Variants in HSD17B12 observed in about 807,000 individuals in gnomAD.
The protein encoded by HSD17B12 is hydroxysteroid 17-beta dehydrogenase 12.
Under a neutral mutation model 39.3 loss-of-function variants are expected in HSD17B12, and 32 were observed. That is an observed-to-expected ratio of 0.81 (90% CI 0.61 to 1.09). HSD17B12 has a LOEUF of 1.09. Ranked by LOEUF, HSD17B12 falls within the 50% of genes least tolerant of loss-of-function variation. HSD17B12 has a pLI of 0.00. For missense variants in HSD17B12, 342 were observed against 382.9 expected, an observed-to-expected ratio of 0.89 and a Z score of 0.89; for synonymous variants, 150 against 146.7, an observed-to-expected ratio of 1.02 and a Z score of -0.16.
the HSD17B12 span, among the ~76,000 whole-genome samples, chr11:43,659,090 TG>T: frequency 6.6e-6 from 1 of 152,128 alleles, no homozygotes; most frequent in African/African-American, 2.4e-5. Context: ...GCCTGGGCAA[TG>T]GTGGGCGCCC....
chr11:43,603,398 G>GT, the HSD17B12 span, among the ~76,000 whole-genome samples: 1 of 151,950 alleles, frequency 6.6e-6, no homozygotes, highest in Admixed American at 6.5e-5. Flanking sequence ...GTTGTAATTT[G>GT]TTTTTTGTGT....
At chr11:43,585,229 T>C in the HSD17B12 span, among the ~76,000 whole-genome samples, 224 of 152,348 alleles carry the variant, frequency 1.5e-3, 2 homozygotes, top group African/African-American at 5.1e-3. Flanking sequence ...ACTTTTCCTA[T>C]TAACCAGCAA....
the HSD17B12 span, among the ~76,000 whole-genome samples, chr11:43,563,097 T>A: frequency 2.0e-5 from 3 of 152,164 alleles, no homozygotes. Context: ...TGCCATGACT[T>A]CATCTCCTAG....
At chr11:43,777,639 CTA>C (rs1565085333) in intron 3 of HSD17B12, among the ~76,000 whole-genome samples, 3 of 152,190 alleles carry the variant, frequency 2.0e-5, no homozygotes, top group Non-Finnish European at 4.4e-5. Context: ...ACTTCCAACA[CTA>C]TGTTGAATAG....
the HSD17B12 span, among the ~76,000 whole-genome samples, chr11:43,656,470 C>T: frequency 6.6e-6 from 1 of 152,116 alleles, no homozygotes; most frequent in Non-Finnish European, 1.5e-5. Context: ...TCTTGCTTCT[C>T]TAGGTCTTTT....
upstream of HSD17B12, among the ~76,000 whole-genome samples, chr11:43,675,973 A>G (rs544224401): frequency 2.6e-5 from 4 of 152,234 alleles, no homozygotes; most frequent in African/African-American, 4.8e-5. Context: ...TTAGCTGGGC[A>G]TAATGGCGGG....
chr11:43,638,346 A>G, the HSD17B12 span, among the ~76,000 whole-genome samples: 1 of 152,196 alleles, frequency 6.6e-6, no homozygotes, highest in Admixed American at 6.5e-5. Context: ...ATGAAGGGAA[A>G]GCGGACATTC....
intron 1 of HSD17B12, among the ~76,000 whole-genome samples, chr11:43,733,379 G>A (rs183853041): frequency 3.3e-5 from 5 of 152,204 alleles, no homozygotes; most frequent in African/African-American, 1.2e-4. Flanking sequence ...GGTTGTTTGG[G>A]GAACTACTGA....
chr11:43,687,042 A>C (rs1029953748), intron 1 of HSD17B12, among the ~76,000 whole-genome samples: 1 of 152,246 alleles, frequency 6.6e-6, no homozygotes, highest in Non-Finnish European at 1.5e-5. Context: ...GATTTACATA[A>C]CAAAATTTAT....
At chr11:43,580,876 A>AAG in the HSD17B12 span, among the ~76,000 whole-genome samples, 1 of 152,084 alleles carries the variant, frequency 6.6e-6, no homozygotes, top group Non-Finnish European at 1.5e-5. Flanking sequence ...AGTCCGCACC[A>AAG]ATGAGCTGGC....
the HSD17B12 span, among the ~76,000 whole-genome samples, chr11:43,648,431 C>T: frequency 6.6e-6 from 1 of 151,846 alleles, no homozygotes; most frequent in African/African-American, 2.4e-5. Flanking sequence ...CAAAAAAATC[C>T]AGGGATGTAT....
At chr11:43,651,382 A>T in the HSD17B12 span, among the ~76,000 whole-genome samples, 6 of 152,142 alleles carry the variant, frequency 3.9e-5, no homozygotes, top group Non-Finnish European at 8.8e-5. Context: ...TGAAAGAACC[A>T]TTTTTTCAGT....
chr11:43,658,419 G>T, the HSD17B12 span, among the ~76,000 whole-genome samples: 1 of 152,122 alleles, frequency 6.6e-6, no homozygotes, highest in African/African-American at 2.4e-5. Flanking sequence ...ATCCATCTTT[G>T]TTCCGTTTGC....
intron 3 of HSD17B12, among the ~76,000 whole-genome samples, chr11:43,779,034 A>T (rs1228214531): frequency 6.6e-6 from 1 of 152,194 alleles, no homozygotes; most frequent in Non-Finnish European, 1.5e-5. Flanking sequence ...TTTTTTAAAG[A>T]TGATATAATA....
intron 4 of HSD17B12, among the ~76,000 whole-genome samples, chr11:43,814,783 G>T (rs1245552482): frequency 2.6e-5 from 4 of 152,018 alleles, no homozygotes; most frequent in Non-Finnish European, 5.9e-5. Flanking sequence ...TGCAGGAAAG[G>T]CTCCCATGGC....
At chr11:43,698,740 A>G (rs1949935629) in intron 1 of HSD17B12, among the ~76,000 whole-genome samples, 1 of 152,206 alleles carries the variant, frequency 6.6e-6, no homozygotes, top group South Asian at 2.1e-4. Context: ...ATGCACATAC[A>G]AGGCACTGGG....
chr11:43,783,724 T>C (rs562919965), intron 3 of HSD17B12, among the ~76,000 whole-genome samples: 1 of 152,202 alleles, frequency 6.6e-6, no homozygotes, highest in African/African-American at 2.4e-5. Flanking sequence ...TCCAGCGTCA[T>C]CCATGTCCCT....
At chr11:43,779,864 G>T (rs1055640025) in intron 3 of HSD17B12, among the ~76,000 whole-genome samples, 1 of 152,080 alleles carries the variant, frequency 6.6e-6, no homozygotes, top group Non-Finnish European at 1.5e-5. Flanking sequence ...ACTGAATTTC[G>T]TTCATCTTAC....
the HSD17B12 span, among the ~76,000 whole-genome samples, chr11:43,609,840 A>G: frequency 6.6e-6 from 1 of 152,330 alleles, no homozygotes; most frequent in South Asian, 2.1e-4. Flanking sequence ...AGAGGCTTGT[A>G]CTACATGGCT....
Sources: gnomAD v4.1 joint callset for allele counts (sites outside exome capture counted in the v4.1 genomes callset) on GRCh38, gnomAD v4.1.1 for gene constraint, MANE v1.5 for transcripts, NCBI Gene and HGNC (gene_info 2026-07-23, HGNC 2026-07-21) for gene names.